LUZP2: variants seen among roughly 807,000 people sequenced by gnomAD.
The protein encoded by LUZP2 is leucine zipper protein 2.
A neutral mutation model predicts 51.6 loss-of-function variants in LUZP2; 52 were observed. The ratio of observed to expected loss-of-function variants is 1.01; its 90% CI spans 0.81 to 1.27. The LOEUF (loss-of-function observed/expected upper bound fraction) is 1.27, where lower values mean the gene tolerates loss of function less well. Ranked by LOEUF, LUZP2 falls within the 50% of genes most tolerant of loss-of-function variation. LUZP2 has a pLI of 0.00. For synonymous variants in LUZP2, 154 were observed against 137.3 expected, an observed-to-expected ratio of 1.12 and a Z score of -0.85; for missense variants, 436 against 395.4, an observed-to-expected ratio of 1.10 and a Z score of -0.87.
intron 1 of LUZP2, among the ~76,000 whole-genome samples, chr11:24,704,600 A>G (rs1857517809): frequency 6.6e-6 from 1 of 151,842 alleles, no homozygotes; most frequent in South Asian, 2.1e-4. Flanking sequence ...ATGCATATAT[A>G]TGCAAGAATA....
intron 5 of LUZP2, among the ~76,000 whole-genome samples, chr11:24,801,127 T>C (rs1321009755): frequency 1.3e-5 from 2 of 152,170 alleles, no homozygotes; most frequent in African/African-American, 4.8e-5. Flanking sequence ...TCAAGTATCA[T>C]AAGGGAATGT....
intron 9 of LUZP2, among the ~76,000 whole-genome samples, chr11:25,036,808 G>A (rs183255626): frequency 6.6e-6 from 1 of 151,936 alleles, no homozygotes; most frequent in Non-Finnish European, 1.5e-5. Context: ...TATTGCACTG[G>A]GGTCCAGGAG....
At chr11:24,917,547 A>G (rs909495030) in intron 7 of LUZP2, among the ~76,000 whole-genome samples, 1 of 152,132 alleles carries the variant, frequency 6.6e-6, no homozygotes, top group Non-Finnish European at 1.5e-5. Flanking sequence ...TTAGCTTTCT[A>G]CATATGGCTA....
chr11:24,898,563 C>T (rs1215730942), intron 5 of LUZP2, among the ~76,000 whole-genome samples: 1 of 151,278 alleles, frequency 6.6e-6, no homozygotes, highest in Non-Finnish European at 1.5e-5. Flanking sequence ...GCAGAGCTTA[C>T]AGTGAGCCCA....
chr11:25,035,424 T>G (rs1443562223), intron 9 of LUZP2, among the ~76,000 whole-genome samples: 1 of 151,546 alleles, frequency 6.6e-6, no homozygotes, highest in Non-Finnish European at 1.5e-5. Flanking sequence ...AAGAATACAA[T>G]CCTACTTACA....
chr11:24,812,175 G>A (rs1002816143), intron 5 of LUZP2, among the ~76,000 whole-genome samples: 1 of 150,572 alleles, frequency 6.6e-6, no homozygotes, highest in Non-Finnish European at 1.5e-5. Flanking sequence ...TTTATGTTAT[G>A]AGGATGCATT....
chr11:24,802,449 T>TCACTGC (rs1849722735), intron 5 of LUZP2, among the ~76,000 whole-genome samples: 2 of 151,990 alleles, frequency 1.3e-5, no homozygotes, highest in African/African-American at 4.8e-5. Flanking sequence ...TTAACAGATA[T>TCACTGC]CACTGCCACT....
At chr11:24,923,469 G>C (rs1392146577) in intron 7 of LUZP2, among the ~76,000 whole-genome samples, 3 of 152,038 alleles carry the variant, frequency 2.0e-5, no homozygotes, top group African/African-American at 7.2e-5. Context: ...GGCCGAGGTG[G>C]GGGTATCACC....
At chr11:24,576,475 C>G (rs4923194) in intron 1 of LUZP2, among the ~76,000 whole-genome samples, 51,297 of 147,342 alleles carry the variant, frequency 0.35, 10,180 homozygotes, top group East Asian at 0.54. Context: ...TGACACAGGT[C>G]AATTTTTTTC....
intron 9 of LUZP2, among the ~76,000 whole-genome samples, chr11:24,988,832 A>G (rs1856254716): frequency 1.3e-5 from 2 of 152,022 alleles, no homozygotes; most frequent in Non-Finnish European, 2.9e-5. Flanking sequence ...CCATAAGGAC[A>G]ATATCTTTTT....
chr11:24,682,625 T>C (rs1354651605), intron 1 of LUZP2, among the ~76,000 whole-genome samples: 2 of 99,246 alleles, frequency 2.0e-5, no homozygotes, highest in Admixed American at 9.9e-5. Context: ...TGTATATATA[T>C]ATATACACAT....
chr11:24,519,395 A>T (rs1019918424), intron 1 of LUZP2, among the ~76,000 whole-genome samples: 10 of 152,318 alleles, frequency 6.6e-5, no homozygotes, highest in Non-Finnish European at 4.4e-5. Context: ...AGGGAGAAAG[A>T]TAAAGTTTTG....
chr11:24,929,054 G>A (rs1854366304), intron 7 of LUZP2, among the ~76,000 whole-genome samples: 2 of 151,844 alleles, frequency 1.3e-5, no homozygotes, highest in African/African-American at 2.4e-5. Context: ...ATGATCTTTT[G>A]TATTTCTGTG....
chr11:24,563,011 A>C (rs969438753), intron 1 of LUZP2, among the ~76,000 whole-genome samples: 1 of 152,242 alleles, frequency 6.6e-6, no homozygotes, highest in African/African-American at 2.4e-5. Context: ...AAATGGCTTG[A>C]ACGGAAGAAG....
chr11:24,596,454 G>C (rs1475445154), intron 1 of LUZP2, among the ~76,000 whole-genome samples: 2 of 151,834 alleles, frequency 1.3e-5, no homozygotes, highest in Non-Finnish European at 1.5e-5. Context: ...GATCTAAGGA[G>C]GGTATTTCCA....
intron 1 of LUZP2, among the ~76,000 whole-genome samples, chr11:24,525,316 A>G (rs1439888216): frequency 6.6e-6 from 1 of 151,674 alleles, no homozygotes; most frequent in East Asian, 1.9e-4. Flanking sequence ...ACAAAGGTAG[A>G]GAAATTGCCT....
chr11:24,648,641 A>C (rs2133958273), intron 1 of LUZP2, among the ~76,000 whole-genome samples: 1 of 152,086 alleles, frequency 6.6e-6, no homozygotes, highest in Non-Finnish European at 1.5e-5. Context: ...CAAAGGAGTC[A>C]GATTCAAGAG....
chr11:24,618,954 T>C (rs1048458731), intron 1 of LUZP2, among the ~76,000 whole-genome samples: 3 of 152,138 alleles, frequency 2.0e-5, no homozygotes, highest in Non-Finnish European at 4.4e-5. Flanking sequence ...GTTTTCACTA[T>C]ATTACTGAAA....
intron 5 of LUZP2, among the ~76,000 whole-genome samples, chr11:24,898,762 T>C (rs1008810554): frequency 3.5e-4 from 53 of 152,176 alleles, no homozygotes; most frequent in African/African-American, 1.3e-3. Context: ...ATACTACAAA[T>C]TTTTATTTGC....
Sources: gnomAD v4.1 joint callset for allele counts (sites outside exome capture counted in the v4.1 genomes callset) on GRCh38, gnomAD v4.1.1 for gene constraint, MANE v1.5 for transcripts, NCBI Gene and HGNC (gene_info 2026-07-23, HGNC 2026-07-21) for gene names.